The following CSPP1 variants were observed in gnomAD, a reference collection of about 807,000 sequenced individuals.
CSPP1 encodes centrosome and spindle pole associated protein 1, also known as centrosome and spindle pole-associated protein 1.
In CSPP1, 126 loss-of-function variants were observed where a neutral mutation model predicts 164.4. The ratio of observed to expected loss-of-function variants is 0.77; its 90% CI spans 0.66 to 0.89. The LOEUF is 0.89. Among genes scored for constraint, CSPP1 ranks in the 40% least tolerant of loss-of-function variants. The pLI is 0.00. For missense variants in CSPP1, 1,395 were observed against 1,449.8 expected (o/e 0.96, Z 0.61); for synonymous variants, 472 against 476.7 (o/e 0.99, Z 0.13).
At chr8:67,124,683 T>G (rs1003035838) in intron 15 of CSPP1, among the ~76,000 whole-genome samples, 1 of 151,866 alleles carries the variant, frequency 6.6e-6, no homozygotes, top group Admixed American at 6.6e-5. Context: ...AAAAATTTTT[T>G]GTTTTGTTTT....
At chr8:67,169,660 A>G (rs11779044) in intron 24 of CSPP1, among the ~76,000 whole-genome samples, 70,820 of 151,796 alleles carry the variant, frequency 0.47, 18,029 homozygotes, top group African/African-American at 0.69. Context: ...GGCTGGTCTC[A>G]AATTCTTGAC....
At chr8:67,082,590 A>G (rs571461669) in intron 3 of CSPP1, among the ~76,000 whole-genome samples, 2 of 152,282 alleles carry the variant, frequency 1.3e-5, no homozygotes, top group African/African-American at 2.4e-5. Flanking sequence ...TTATTTTTAC[A>G]TAATGCTTTT....
chr8:67,148,108 G>C (rs797012527), intron 17 of CSPP1, among the ~76,000 whole-genome samples: 33 of 151,646 alleles, frequency 2.2e-4, no homozygotes, highest in African/African-American at 6.5e-4. Flanking sequence ...CAGTAGAAAT[G>C]GGATTTCACC....
chr8:67,066,991 A>G (rs977648992), intron 1 of CSPP1, among the ~76,000 whole-genome samples: 2 of 152,106 alleles, frequency 1.3e-5, no homozygotes, highest in African/African-American at 4.8e-5. Context: ...CCTGACCTCA[A>G]GCGATCCGCC....
intron 3 of CSPP1, among the ~76,000 whole-genome samples, chr8:67,076,830 A>T (rs758059041): frequency 6.6e-6 from 1 of 152,220 alleles, no homozygotes; most frequent in Non-Finnish European, 1.5e-5. Flanking sequence ...AACATAACTT[A>T]AAAATTGAAA....
chr8:67,120,126 A>G (rs1325463699), intron 15 of CSPP1, among the ~76,000 whole-genome samples: 1 of 152,208 alleles, frequency 6.6e-6, no homozygotes, highest in African/African-American at 2.4e-5. Context: ...TGGAAAGACT[A>G]TCCTTTCTGC....
In CSPP1 at chr8:67,158,519, C is replaced by A; in HGVS notation, c.2314C>A (p.Arg772=). 1 of 1,612,248 alleles carries A rather than the reference C, an allele frequency of 6.2e-7. No homozygotes were observed. The highest frequency in any genetic ancestry group is 1.3e-5 in the African/African-American group (1 of 74,920). The part of the protein sequence containing the change: ...LRIAEEKEER[R]LAEQRARIQQ... ...AATTGCAGAAGAAAAAGAAGAAAGA[C>A]GGCTTGCAGAACAGAGGGCACGAAT... The change falls in exon 20 of 31, where the codon CGG becomes AGG. Residue 772 remains arginine (R), a synonymous_variant. Coordinates refer to ENST00000678616, the MANE Select transcript of CSPP1 (RefSeq NM_001382391.1).
intron 4 of CSPP1, among the ~76,000 whole-genome samples, chr8:67,091,536 T>C (rs1811608022): frequency 1.3e-5 from 2 of 152,220 alleles, no homozygotes; most frequent in Admixed American, 6.5e-5. Flanking sequence ...TCTAATCATC[T>C]TGAATCAATA....
chr8:67,193,525 A>G lies in CSPP1; in HGVS notation c.3392A>G (p.Asn1131Ser). ...GLSLKSISSVNVDELRVRNEE... is the reference protein window; with the variant it reads ...GLSLKSISSVSVDELRVRNEE... The stretch of plus-strand genomic sequence containing the variant: ...TCTCTAAAATCTATATCCAGTGTAA[A>G]TGTTGATGAGCTTAGAGTGAGAAAT... Residue 1131 changes from asparagine to serine, a missense_variant, in exon 30 of 31, where the codon AAT (asparagine) becomes AGT (serine). Transcript: ENST00000678616. The G allele has an allele frequency of 1.2e-6, 2 of 1,612,892 alleles. No homozygotes were observed. Among genetic ancestry groups the G allele is most frequent in the Non-Finnish European group, 1.7e-6 (2 of 1,178,828 alleles).
chr8:67,170,784 T>TTTAC (rs1401472807), intron 24 of CSPP1, among the ~76,000 whole-genome samples: 2 of 151,968 alleles, frequency 1.3e-5, no homozygotes, highest in Non-Finnish European at 1.5e-5. Context: ...GTTCGAATAA[T>TTTAC]TTATTTATTT....
chr8:67,077,593 G>C (rs560974068), intron 3 of CSPP1, among the ~76,000 whole-genome samples: 2 of 152,148 alleles, frequency 1.3e-5, no homozygotes, highest in Non-Finnish European at 2.9e-5. Context: ...TGCCCGCCTC[G>C]GCCTCCCAAA....
At chr8:67,086,716 TTA>T in intron 4 of CSPP1, 1 of 479,286 alleles carries the variant, frequency 2.1e-6, no homozygotes. Flanking sequence ...TTTTACTGCT[TTA>T]TGTTTGTTCC....
intron 19 of CSPP1, among the ~76,000 whole-genome samples, chr8:67,157,237 G>C (rs1826838403): frequency 6.6e-6 from 1 of 152,052 alleles, no homozygotes; most frequent in Non-Finnish European, 1.5e-5. Context: ...AATGTTGTGA[G>C]AAAGAAGTGT....
At chr8:67,117,207 T>A (rs1406762229) in intron 13 of CSPP1, among the ~76,000 whole-genome samples, 1 of 152,214 alleles carries the variant, frequency 6.6e-6, no homozygotes, top group African/African-American at 2.4e-5. Context: ...GACAGCTCCC[T>A]TTCATAACAG....
chr8:67,145,470 C>CTTCCTTTAGTTTGCT (rs1824339438), intron 17 of CSPP1, among the ~76,000 whole-genome samples: 1 of 150,116 alleles, frequency 6.7e-6, no homozygotes. Flanking sequence ...TTACTATTTG[C>CTTCCTTTAGTTTGCT]TTCCTTTAGT....
At chr8:67,143,170 T>C (rs190330543) in intron 17 of CSPP1, among the ~76,000 whole-genome samples, 1 of 152,100 alleles carries the variant, frequency 6.6e-6, no homozygotes, top group Non-Finnish European at 1.5e-5. Flanking sequence ...CTCCAATCTG[T>C]GAAATTCCTC....
intron 9 of CSPP1, among the ~76,000 whole-genome samples, chr8:67,110,542 C>T (rs553722569): frequency 6.6e-6 from 1 of 152,300 alleles, no homozygotes; most frequent in South Asian, 2.1e-4. Context: ...CAAACTAGCA[C>T]ACTGCAAAGT....
chr8:67,099,993 CAT>C (rs1455251853), intron 7 of CSPP1, among the ~76,000 whole-genome samples: 5 of 151,548 alleles, frequency 3.3e-5, no homozygotes, highest in African/African-American at 1.2e-4. Flanking sequence ...ATAAACAAAT[CAT>C]ATGTCATTTC....
intron 17 of CSPP1, among the ~76,000 whole-genome samples, chr8:67,148,715 A>G (rs1586522677): frequency 6.6e-6 from 1 of 152,204 alleles, no homozygotes; most frequent in East Asian, 1.9e-4. Flanking sequence ...GTTTAAGTTC[A>G]CTTTCAGTGC....
Sources: allele counts gnomAD v4.1 joint callset (sites outside exome capture counted in the v4.1 genomes callset), GRCh38; gene constraint gnomAD v4.1.1; transcripts MANE v1.5; gene names NCBI Gene and HGNC (gene_info 2026-07-23, HGNC 2026-07-21).